The following COL27A1 variants were observed in gnomAD, a reference collection of about 807,000 sequenced individuals.
COL27A1 encodes the protein collagen alpha-1(XXVII) chain.
A neutral mutation model predicts 251.3 loss-of-function variants in COL27A1; 106 were observed. The observed-to-expected ratio is 0.42, with a 90% confidence interval of 0.36 to 0.50. COL27A1 has a LOEUF of 0.50. Ranked by LOEUF, COL27A1 falls within the 20% of genes least tolerant of loss-of-function variation. The pLI is 0.00. For missense variants in COL27A1, 2,325 were observed against 2,522.8 expected (o/e 0.92, Z 1.68); for synonymous variants, 1,000 against 986.3 (o/e 1.01, Z -0.26).
chr9:114,303,958 T>C (rs1457762687), intron 56 of COL27A1, among the ~76,000 whole-genome samples: 1 of 152,240 alleles, frequency 6.6e-6, no homozygotes, highest in African/African-American at 2.4e-5. Flanking sequence ...AGGATGAGTC[T>C]AGGGCAGGTT....
At chr9:114,239,420 C>T (rs1267545778) in intron 19 of COL27A1, among the ~76,000 whole-genome samples, 1 of 152,184 alleles carries the variant, frequency 6.6e-6, no homozygotes, top group Non-Finnish European at 1.5e-5. Context: ...CACCATTTTA[C>T]AGATGAGGAA....
At chr9:114,186,326 G>A (rs941043614) in intron 5 of COL27A1, among the ~76,000 whole-genome samples, 5 of 152,258 alleles carry the variant, frequency 3.3e-5, no homozygotes, top group African/African-American at 1.2e-4. Context: ...GTGCTGACCC[G>A]TGGCAGGTGC....
At position 114,168,000 on chromosome 9, in the gene COL27A1, C is replaced by T; in HGVS notation, c.445C>T (p.Leu149Phe). ...LGSRRSVAFD[L>F]DMHDGRWHHL... ...GTCCCGGCGCTCAGTGGCCTTCGAC[C>T]TCGACATGCACGACGGGCGCTGGCA... The change falls in exon 3 of 61, where the codon CTC becomes TTC. Residue 149 changes from leucine (L) to phenylalanine (F), a missense_variant. Around this residue, in one of 4 missense-constraint regions of COL27A1, gnomAD observed 1,183 missense variants for 1,144.1 expected, o/e 1.03. Coordinates refer to ENST00000356083, the MANE Select transcript of COL27A1 (RefSeq NM_032888.4). 2 of 1,604,790 alleles carry T rather than the reference C, an allele frequency of 1.2e-6. No individual in the cohort carries two copies. Among genetic ancestry groups the T allele is most frequent in the Non-Finnish European group, 1.7e-6 (2 of 1,179,778 alleles).
chr9:114,224,373 G>C (rs57799619), intron 14 of COL27A1, among the ~76,000 whole-genome samples: 1 of 152,170 alleles, frequency 6.6e-6, no homozygotes, highest in African/African-American at 2.4e-5. Flanking sequence ...GATGGAGCCC[G>C]AGTCGTCCTC....
At chr9:114,244,773 G>A (rs916197042) in intron 23 of COL27A1, among the ~76,000 whole-genome samples, 5 of 152,272 alleles carry the variant, frequency 3.3e-5, no homozygotes, top group South Asian at 2.1e-4. Flanking sequence ...CTGAGGTTTC[G>A]GCCTCTCTCC....
chr9:114,300,545 AC>A, intron 50 of COL27A1, 79 bp from the exon 51 acceptor site: 2 of 1,183,512 alleles, frequency 1.7e-6, no homozygotes, highest in South Asian at 1.6e-5. Flanking sequence ...AGGTTGACAG[AC>A]CCCAGGGGTG....
At chr9:114,190,046 C>T (rs924444182) in intron 5 of COL27A1, among the ~76,000 whole-genome samples, 10 of 152,192 alleles carry the variant, frequency 6.6e-5, no homozygotes, top group Admixed American at 1.3e-4. Flanking sequence ...TGAAAATAGT[C>T]GTACTGATAG....
intron 48 of COL27A1, among the ~76,000 whole-genome samples, chr9:114,291,401 C>T (rs1350161896): frequency 3.9e-5 from 6 of 152,154 alleles, no homozygotes; most frequent in Admixed American, 3.3e-4. Context: ...CCCTCTGAGA[C>T]ACAGGAGGCG....
chr9:114,233,745 A>G (rs1461904014), intron 16 of COL27A1, among the ~76,000 whole-genome samples: 3 of 152,140 alleles, frequency 2.0e-5, no homozygotes, highest in Non-Finnish European at 4.4e-5. Flanking sequence ...GTTGCCTGGG[A>G]CATTTAGAGA....
chr9:114,272,786 T>G (rs939517669), intron 36 of COL27A1: 1 of 152,214 alleles, frequency 6.6e-6, no homozygotes, highest in Admixed American at 6.5e-5. Context: ...AACTATTCAG[T>G]AGCGGTAGCA....
chr9:114,277,826 T>C (rs762535852), intron 37 of COL27A1, among the ~76,000 whole-genome samples: 5 of 152,204 alleles, frequency 3.3e-5, no homozygotes, highest in African/African-American at 4.8e-5. Flanking sequence ...AAGGAATGTG[T>C]GCTAAGATTA....
At position 114,168,777 on chromosome 9, in the gene COL27A1, C is replaced by A; in HGVS notation, c.1222C>A (p.Pro408Thr). ...AGCCCTACCCACTCAGAAGCAAGTGCCACCTACTTCCCGTCCAGTTCCTGC... is the reference window on the plus strand; with the variant it reads ...AGCCCTACCCACTCAGAAGCAAGTGACACCTACTTCCCGTCCAGTTCCTGC... Reference protein sequence around the residue: ...KSALPTQKQVPPTSRPVPARV... With the variant: ...KSALPTQKQVTPTSRPVPARV... Residue 408 changes from proline to threonine, a missense_variant, in exon 3 of 61, where the codon CCA (proline) becomes ACA (threonine). Pro to Thr is a conservative substitution (Grantham distance 38, BLOSUM62 -1). Transcript: ENST00000356083. The A allele has an allele frequency of 6.2e-7, 1 of 1,614,036 alleles. No homozygotes were observed. Among genetic ancestry groups the A allele is most frequent in the Non-Finnish European group, 8.5e-7 (1 of 1,180,026 alleles).
At chr9:114,289,595 G>A (rs7872856) in intron 45 of COL27A1, among the ~76,000 whole-genome samples, 52,559 of 152,118 alleles carry the variant, frequency 0.35, 9,633 homozygotes, top group East Asian at 0.64. Flanking sequence ...AAAACTGGGA[G>A]AAGTCAATTG....
intron 1 of COL27A1, among the ~76,000 whole-genome samples, chr9:114,157,840 C>A (rs7038751): frequency 0.37 from 55,891 of 151,794 alleles, 11,092 homozygotes; most frequent in South Asian, 0.5. Flanking sequence ...TTCCACAAAA[C>A]CGGCACCTTA....
chr9:114,185,378 A>T (rs1828262812), intron 5 of COL27A1, among the ~76,000 whole-genome samples: 1 of 152,240 alleles, frequency 6.6e-6, no homozygotes, highest in South Asian at 2.1e-4. Flanking sequence ...TTGCCTGGAC[A>T]CTTGGCCCTG....
At chr9:114,162,009 A>C (rs1848527234) in intron 1 of COL27A1, among the ~76,000 whole-genome samples, 1 of 152,218 alleles carries the variant, frequency 6.6e-6, no homozygotes, top group Admixed American at 6.5e-5. Context: ...ACAGGCTCAG[A>C]GAGGCTGAGC....
intron 10 of COL27A1, 30 bp from the exon 11 acceptor site, chr9:114,209,645 C>A: frequency 6.2e-7 from 1 of 1,612,638 alleles, no homozygotes; most frequent in South Asian, 1.1e-5. Flanking sequence ...ACTGCTTGAC[C>A]GCTCTGACCC....
At chr9:114,255,289 G>T (rs1271777765) in intron 27 of COL27A1, among the ~76,000 whole-genome samples, 1 of 152,160 alleles carries the variant, frequency 6.6e-6, no homozygotes, top group Non-Finnish European at 1.5e-5. Context: ...GGAATGCAAG[G>T]GCCCGGCCTC....
intron 5 of COL27A1, among the ~76,000 whole-genome samples, chr9:114,189,532 G>A (rs928205699): frequency 2.9e-4 from 44 of 152,078 alleles, no homozygotes; most frequent in South Asian, 6.2e-4. Flanking sequence ...AAAAACGCTT[G>A]GGATTTTTAC....
Sources: gnomAD v4.1 joint callset for allele counts (sites outside exome capture counted in the v4.1 genomes callset) on GRCh38, gnomAD v4.1.1 for gene constraint, gnomAD v4.1.1 regional missense constraint, MANE v1.5 for transcripts, NCBI Gene and HGNC (gene_info 2026-07-23, HGNC 2026-07-21) for gene names.